Variants in WDFY1 observed in about 807,000 individuals in gnomAD.
WDFY1 encodes the protein WD repeat and FYVE domain containing 1.
A neutral mutation model predicts 56.4 loss-of-function variants in WDFY1; 32 were observed. The ratio of observed to expected loss-of-function variants is 0.57; its 90% CI spans 0.43 to 0.76. The LOEUF (loss-of-function observed/expected upper bound fraction) is 0.76, where lower values mean the gene tolerates loss of function less well. Among genes scored for constraint, WDFY1 ranks in the 30% least tolerant of loss-of-function variants. The probability of loss-of-function intolerance (pLI) is 0.00; values close to 1 mark genes in which losing one functional copy is unlikely to be tolerated. For synonymous variants in WDFY1, 192 were observed against 197.3 expected, an observed-to-expected ratio of 0.97 and a Z score of 0.23; for missense variants, 480 against 545.7, an observed-to-expected ratio of 0.88 and a Z score of 1.20.
chr2:223,886,729 T>TAAAA (rs34317110), intron 8 of WDFY1, among the ~76,000 whole-genome samples: 3,254 of 94,886 alleles, frequency 0.034, 189 homozygotes, highest in Middle Eastern at 0.041. Flanking sequence ...AAACTCCGTC[T>TAAAA]AAAAAAAAAA....
rs142954829 is a variant in WDFY1 at position 223,901,272 on chromosome 2, G to A, written c.396C>T (p.Thr132=). 3.6e-3 allele frequency: 5,830 copies of A among 1,614,084 alleles called. 22 individuals are homozygous for A. The highest frequency in any genetic ancestry group is 5.9e-3 in the South Asian group (541 of 91,076). Residue 132 remains threonine (T), a synonymous_variant, in exon 5 of 12, where the codon ACC becomes ACT. Coordinates refer to ENST00000233055, the MANE Select transcript of WDFY1 (RefSeq NM_020830.5). ...FSLATEWVIS[T]GHDKCVSWMC... is the part of the protein sequence containing the mutation. ...TCCAGCTCACACACTTGTCGTGGCC[G>A]GTACTGATCACCCACTCTGTGGCCA...
rs190705105 is a variant in WDFY1 at position 223,914,058 on chromosome 2, G to A, written c.206-1732C>T. ...GTCACCCAGGCTGGAGTGCAGTGGC[G>A]CAATCTCAGCTCACTGCAACCTCCG... On this transcript the variant is annotated intron_variant, in intron 2 of 11. Coordinates refer to ENST00000233055, the MANE Select transcript of WDFY1 (RefSeq NM_020830.5). Among the ~76,000 whole-genome samples, 26 of 146,650 alleles carry A rather than the reference G, an allele frequency of 1.8e-4. No homozygotes were observed. In the East Asian group the frequency reaches 3.2e-3, roughly 18 times the overall value.
At chr2:223,897,351 CATATAT>C (rs1194128689) in intron 6 of WDFY1, among the ~76,000 whole-genome samples, 8 of 53,678 alleles carry the variant, frequency 1.5e-4, no homozygotes, top group South Asian at 1.9e-3. Flanking sequence ...CTAAATTTCG[CATATAT>C]ATATATATAT....
In WDFY1 at chr2:223,876,270, T is replaced by C. The variant is rs532284490; in HGVS notation, c.*2401A>G. ...CAGGAATGGAACAACCAGTAAACTGTTACTTGAAGAACTAATTTAAATGAT... is the reference window on the plus strand; with the variant it reads ...CAGGAATGGAACAACCAGTAAACTGCTACTTGAAGAACTAATTTAAATGAT... On this transcript the variant is annotated 3_prime_UTR_variant, in exon 12 of 12. Coordinates refer to ENST00000233055, the MANE Select transcript of WDFY1 (RefSeq NM_020830.5). 1 of 152,638 alleles carries C rather than the reference T, an allele frequency of 6.6e-6. No individual in the cohort carries two copies. The highest frequency in any genetic ancestry group is 1.5e-5 in the Non-Finnish European group (1 of 68,006). The allele number at this position is 152,638 out of a possible 1,614,324, so 9.5% of individuals were successfully genotyped here. A position where few individuals can be genotyped will look rare whatever the true frequency, so the allele number is the denominator to read the frequency against.
At chr2:223,902,527 T>C (rs1040449131) in intron 4 of WDFY1, among the ~76,000 whole-genome samples, 9 of 152,168 alleles carry the variant, frequency 5.9e-5, no homozygotes, top group Non-Finnish European at 1.2e-4. Flanking sequence ...ATTGCACCAC[T>C]GCACTCCAGC....
intron 9 of WDFY1, among the ~76,000 whole-genome samples, chr2:223,883,513 G>A (rs1474763784): frequency 1.3e-5 from 2 of 152,148 alleles, no homozygotes; most frequent in East Asian, 3.8e-4. Flanking sequence ...CTTGGCTAAT[G>A]ACAGACAGAA....
intron 9 of WDFY1, among the ~76,000 whole-genome samples, chr2:223,884,417 C>G (rs901257493): frequency 6.6e-6 from 1 of 152,106 alleles, no homozygotes. Flanking sequence ...GGATTTTCTA[C>G]GCACCCCTGC....
intron 6 of WDFY1, among the ~76,000 whole-genome samples, chr2:223,896,726 C>T (rs1412569826): frequency 6.6e-6 from 1 of 152,206 alleles, no homozygotes; most frequent in Non-Finnish European, 1.5e-5. Context: ...ACAGAAACTA[C>T]TTTATCACAT....
chr2:223,894,041 ACT>A (rs1278720613), intron 8 of WDFY1, among the ~76,000 whole-genome samples, 191 bp downstream of exon 8: 1 of 152,194 alleles, frequency 6.6e-6, no homozygotes, highest in Non-Finnish European at 1.5e-5. Context: ...ATTGGTAGAA[ACT>A]CTCAAATGAG....
At chr2:223,939,793 C>G (rs1689268428) in intron 1 of WDFY1, among the ~76,000 whole-genome samples, 2 of 152,186 alleles carry the variant, frequency 1.3e-5, no homozygotes, top group African/African-American at 4.8e-5. Flanking sequence ...GGTGGGGACA[C>G]AGCCAAACCA....
At chr2:223,878,809 C>A in intron 11 of WDFY1, 79 bp from the exon 12 acceptor site, 5 of 1,521,172 alleles carry the variant, frequency 3.3e-6, no homozygotes, top group Non-Finnish European at 4.5e-6. Flanking sequence ...GACAAACAAA[C>A]GACTGTTAAA....
intron 11 of WDFY1, 113 bp from the exon 12 acceptor site, chr2:223,878,843 A>G: frequency 7.7e-7 from 1 of 1,304,026 alleles, no homozygotes; most frequent in Non-Finnish European, 1.1e-6. Context: ...CAAATTAATG[A>G]ATTTTCTCAT....
chr2:223,912,565 C>A (rs755875846), intron 2 of WDFY1, among the ~76,000 whole-genome samples: 1 of 152,140 alleles, frequency 6.6e-6, no homozygotes, highest in Non-Finnish European at 1.5e-5. Flanking sequence ...GTGAAGTGAG[C>A]CAGCATGAAG....
chr2:223,884,253 C>T (rs938023845), intron 9 of WDFY1, among the ~76,000 whole-genome samples: 2 of 152,056 alleles, frequency 1.3e-5, no homozygotes, highest in African/African-American at 4.8e-5. Flanking sequence ...CAAGTGAGGA[C>T]TAAATTATTA....
intron 5 of WDFY1, chr2:223,900,909 G>T: frequency 2.8e-6 from 1 of 357,794 alleles, no homozygotes; most frequent in Non-Finnish European, 5.1e-6. Context: ...TCCCAGCACA[G>T]AACAATTCAT....
intron 6 of WDFY1, among the ~76,000 whole-genome samples, chr2:223,896,207 AAAG>A (rs1460590854): frequency 2.7e-5 from 4 of 150,394 alleles, no homozygotes; most frequent in African/African-American, 9.8e-5. Context: ...AAAGATTTTT[AAAG>A]AAGTTTTTCG....
At chr2:223,940,091 C>A (rs566339503) in intron 1 of WDFY1, among the ~76,000 whole-genome samples, 2 of 152,140 alleles carry the variant, frequency 1.3e-5, no homozygotes, top group Non-Finnish European at 2.9e-5. Context: ...GAGGCCGAGG[C>A]GGGTGGATCA....
chr2:223,910,527 A>C (rs1693679038), intron 3 of WDFY1, among the ~76,000 whole-genome samples: 1 of 152,122 alleles, frequency 6.6e-6, no homozygotes, highest in African/African-American at 2.4e-5. Flanking sequence ...TCTAGTATCT[A>C]ACATACAGAA....
intron 8 of WDFY1, 33 bp downstream of exon 8, chr2:223,894,201 C>A (rs1372332963): frequency 6.2e-7 from 1 of 1,611,750 alleles, no homozygotes; most frequent in African/African-American, 1.3e-5. Context: ...GGGGGTCTCC[C>A]CCGATCAGCC....
Sources: allele counts gnomAD v4.1 joint callset (sites outside exome capture counted in the v4.1 genomes callset), GRCh38; gene constraint gnomAD v4.1.1; transcripts MANE v1.5; gene names NCBI Gene and HGNC (gene_info 2026-07-23, HGNC 2026-07-21).